Variants in DOCK4 observed in about 807,000 individuals in gnomAD.
The protein encoded by DOCK4 is dedicator of cytokinesis 4.
Under a neutral mutation model 268.1 loss-of-function variants are expected in DOCK4, and 97 were observed. The observed-to-expected ratio is 0.36, with a 90% confidence interval of 0.31 to 0.43. The LOEUF (loss-of-function observed/expected upper bound fraction) is 0.43. Among genes scored for constraint, DOCK4 ranks in the 20% least tolerant of loss-of-function variants. DOCK4 has a pLI of 1.00. For synonymous variants in DOCK4, 954 were observed against 887.2 expected (o/e 1.08, Z -1.34); for missense variants, 2,145 against 2,455.7 (o/e 0.87, Z 2.67).
intron 1 of DOCK4, among the ~76,000 whole-genome samples, chr7:112,021,839 C>A (rs17159164): frequency 6.6e-6 from 1 of 152,086 alleles, no homozygotes; most frequent in African/African-American, 2.4e-5. Flanking sequence ...CTTCGCCCTG[C>A]GCTTCCCTAG....
At chr7:111,880,808 G>A (rs1313087821) in intron 16 of DOCK4, among the ~76,000 whole-genome samples, 2 of 152,120 alleles carry the variant, frequency 1.3e-5, no homozygotes, top group Non-Finnish European at 2.9e-5. Flanking sequence ...AAGGTGCCAA[G>A]AATATACATT....
At position 111,815,173 on chromosome 7, in the gene DOCK4, G is replaced by C. The variant is rs190944894; in HGVS notation, c.2931-3224C>G. ...CTAATGTGGCATGTGGGTCTATTTA[G>C]TGCTTGATAGGATGAGGAGTAGGGC... On this transcript the variant is annotated intron_variant, in intron 27 of 52. Transcript: ENST00000428084. Among the ~76,000 whole-genome samples, 496 of 152,198 alleles carry C rather than the reference G, an allele frequency of 3.3e-3. 4 individuals carry two copies. The highest frequency in any genetic ancestry group is 0.012 in the African/African-American group (479 of 41,502).
intron 1 of DOCK4, among the ~76,000 whole-genome samples, chr7:112,195,089 G>A (rs140575441): frequency 0.032 from 4,818 of 152,230 alleles, 104 homozygotes; most frequent in Middle Eastern, 0.082. Flanking sequence ...GACCAGCCTG[G>A]TCAACATGGT....
In DOCK4 at chr7:111,861,299, A is replaced by G. The variant is rs529549457; in HGVS notation, c.2473+2073T>C. Among the ~76,000 whole-genome samples the G allele has an allele frequency of 5.3e-5, 8 of 152,206 alleles. No homozygotes were observed. In the South Asian group the frequency reaches 1.7e-3, roughly 31 times the overall value. On this transcript the variant is annotated intron_variant, in intron 23 of 52. Transcript: ENST00000428084. ...TTGAACTTTCTTTTACATTGTTTGAAGTGCTATTTCAGAAAAAAAAATAAG... is the reference window on the plus strand; with the variant it reads ...TTGAACTTTCTTTTACATTGTTTGAGGTGCTATTTCAGAAAAAAAAATAAG...
intron 27 of DOCK4, chr7:111,820,088 G>C (rs1329069299): frequency 6.6e-6 from 1 of 152,222 alleles, no homozygotes; most frequent in African/African-American, 2.4e-5. Context: ...ACAAATAGTA[G>C]AGGGCTAATT....
At chr7:111,876,628 A>C (rs1158026200) in intron 17 of DOCK4, among the ~76,000 whole-genome samples, 2 of 152,180 alleles carry the variant, frequency 1.3e-5, no homozygotes, top group African/African-American at 4.8e-5. Flanking sequence ...CATAAAAAGT[A>C]ATGCTAGAAC....
chr7:111,978,670 T>C (rs1339472965), intron 7 of DOCK4, among the ~76,000 whole-genome samples: 1 of 152,202 alleles, frequency 6.6e-6, no homozygotes, highest in Non-Finnish European at 1.5e-5. Flanking sequence ...TCACACTGCT[T>C]GCAGTGAGGG....
At chr7:112,103,972 C>A (rs968659952) in intron 1 of DOCK4, among the ~76,000 whole-genome samples, 5 of 152,142 alleles carry the variant, frequency 3.3e-5, no homozygotes, top group African/African-American at 1.2e-4. Flanking sequence ...AGACCTAGAA[C>A]CTGGTCCTGC....
At chr7:112,124,875 T>C (rs1813073008) in intron 1 of DOCK4, among the ~76,000 whole-genome samples, 1 of 152,240 alleles carries the variant, frequency 6.6e-6, no homozygotes, top group African/African-American at 2.4e-5. Flanking sequence ...CTGCTTAAAC[T>C]TTTAAAACAT....
chr7:112,195,631 T>C (rs1034176006), intron 1 of DOCK4, among the ~76,000 whole-genome samples: 1 of 151,862 alleles, frequency 6.6e-6, no homozygotes, highest in Non-Finnish European at 1.5e-5. Flanking sequence ...CTTATGTACA[T>C]GCATCCCCAC....
intron 13 of DOCK4, among the ~76,000 whole-genome samples, chr7:111,914,629 T>A (rs919888905): frequency 6.6e-6 from 1 of 152,174 alleles, no homozygotes; most frequent in Non-Finnish European, 1.5e-5. Context: ...GGCTTCCTCA[T>A]GTCTTTTAGG....
chr7:112,021,276 C>T (rs553311249), intron 1 of DOCK4, among the ~76,000 whole-genome samples: 43 of 152,116 alleles, frequency 2.8e-4, no homozygotes, highest in Non-Finnish European at 5.7e-4. Flanking sequence ...TGGTTCTTAG[C>T]TATGTTTTAT....
intron 1 of DOCK4, among the ~76,000 whole-genome samples, chr7:112,102,178 T>C (rs1480317578): frequency 6.6e-6 from 1 of 152,242 alleles, no homozygotes; most frequent in Non-Finnish European, 1.5e-5. Context: ...GGATTGTTTA[T>C]GGATCTATCT....
intron 1 of DOCK4, among the ~76,000 whole-genome samples, chr7:112,004,490 C>G (rs887616589): frequency 6.6e-6 from 1 of 152,094 alleles, no homozygotes; most frequent in Non-Finnish European, 1.5e-5. Context: ...AATGCCGGGC[C>G]CATAGTAGTT....
At chr7:111,780,728 A>G (rs923302279) in intron 35 of DOCK4, among the ~76,000 whole-genome samples, 1 of 152,240 alleles carries the variant, frequency 6.6e-6, no homozygotes, top group East Asian at 1.9e-4. Flanking sequence ...TGACTTTTTC[A>G]AAGAGTTAAG....
rs1468774818 is a variant in DOCK4, at chr7:111,935,105, C to A, written c.1066+435G>T. Among the ~76,000 whole-genome samples, 5 of 152,042 alleles carry A rather than the reference C, an allele frequency of 3.3e-5. No homozygotes were observed. The East Asian group carries it at 9.7e-4, about 30-fold the overall frequency. ...GGGATTACAGGCACCTGCCACCATG[C>A]CCAGCTAATATTTTGTATTTTTAGT... On this transcript the variant is annotated intron_variant, in intron 12 of 52. Transcript: ENST00000428084.
chr7:111,959,355 G>A (rs564196553), intron 8 of DOCK4, among the ~76,000 whole-genome samples: 61 of 152,268 alleles, frequency 4.0e-4, no homozygotes, highest in African/African-American at 1.4e-3. Context: ...CTTTGGAGAC[G>A]TCACATTTTT....
chr7:112,134,401 T>C (rs558228991), intron 1 of DOCK4, among the ~76,000 whole-genome samples: 91 of 152,330 alleles, frequency 6.0e-4, no homozygotes, highest in Non-Finnish European at 1.2e-3. Flanking sequence ...GTGTTTTTAC[T>C]TATGTCTTTA....
At chr7:112,014,886 C>T (rs546606610) in intron 1 of DOCK4, among the ~76,000 whole-genome samples, 3 of 151,960 alleles carry the variant, frequency 2.0e-5, no homozygotes, top group African/African-American at 7.2e-5. Flanking sequence ...GCCTGAGAAA[C>T]AGAGTGAGAT....
Sources: gnomAD v4.1 joint callset for allele counts (sites outside exome capture counted in the v4.1 genomes callset) on GRCh38, gnomAD v4.1.1 for gene constraint, MANE v1.5 for transcripts, NCBI Gene and HGNC (gene_info 2026-07-23, HGNC 2026-07-21) for gene names.